The following ARHGAP42 variants were observed in gnomAD, a reference collection of about 807,000 sequenced individuals.
The protein encoded by ARHGAP42 is rho GTPase-activating protein 42.
A neutral mutation model predicts 125.0 loss-of-function variants in ARHGAP42; 63 were observed. The observed-to-expected ratio is 0.50, with a 90% CI of 0.41 to 0.62. The LOEUF (loss-of-function observed/expected upper bound fraction) is 0.62. Among genes scored for constraint, ARHGAP42 ranks in the 20% least tolerant of loss-of-function variants. The probability of loss-of-function intolerance (pLI) is 0.00; values close to 1 mark genes in which losing one functional copy is unlikely to be tolerated. For synonymous variants in ARHGAP42, 339 were observed against 351.0 expected, an observed-to-expected ratio of 0.97 and a Z score of 0.38; for missense variants, 766 against 1,024.2, an observed-to-expected ratio of 0.75 and a Z score of 3.44.
chr11:100,688,968 C>T (rs1177234707), intron 1 of ARHGAP42, among the ~76,000 whole-genome samples: 1 of 152,106 alleles, frequency 6.6e-6, no homozygotes, highest in East Asian at 1.9e-4. Context: ...GGGATGTGTG[C>T]GCCTAAAACT....
intron 10 of ARHGAP42, among the ~76,000 whole-genome samples, chr11:100,945,967 A>G (rs552326680): frequency 3.7e-4 from 56 of 152,210 alleles, no homozygotes; most frequent in Middle Eastern, 6.8e-3. Context: ...GCATCTTCCA[A>G]CAGAAGGCTA....
chr11:100,827,223 A>C (rs1292753400), intron 3 of ARHGAP42, among the ~76,000 whole-genome samples: 1 of 151,900 alleles, frequency 6.6e-6, no homozygotes, highest in East Asian at 1.9e-4. Context: ...GGCTGGTCTC[A>C]AACTCCTGAC....
intron 4 of ARHGAP42, among the ~76,000 whole-genome samples, chr11:100,902,964 G>C (rs907340212): frequency 1.3e-5 from 2 of 152,102 alleles, no homozygotes; most frequent in Admixed American, 6.5e-5. Context: ...GAGGTGTGTT[G>C]GTTTTGGACA....
At chr11:100,972,651 C>T (rs1414897668) in intron 17 of ARHGAP42, among the ~76,000 whole-genome samples, 1 of 152,176 alleles carries the variant, frequency 6.6e-6, no homozygotes, top group Non-Finnish European at 1.5e-5. Context: ...GAAACAGCCA[C>T]CTCTGTCCTG....
At chr11:100,877,620 G>A (rs1025828946) in intron 4 of ARHGAP42, among the ~76,000 whole-genome samples, 1 of 152,176 alleles carries the variant, frequency 6.6e-6, no homozygotes, top group Non-Finnish European at 1.5e-5. Context: ...AAAACACAGG[G>A]TTTAAGTCAA....
intron 2 of ARHGAP42, among the ~76,000 whole-genome samples, chr11:100,792,153 G>GT (rs1393372504): frequency 6.6e-6 from 1 of 152,158 alleles, no homozygotes; most frequent in African/African-American, 2.4e-5. Context: ...GGAAGTTCTA[G>GT]TGTGCTCCTG....
chr11:100,715,968 G>C (rs1265451935), intron 1 of ARHGAP42, among the ~76,000 whole-genome samples: 1 of 152,212 alleles, frequency 6.6e-6, no homozygotes, highest in African/African-American at 2.4e-5. Flanking sequence ...CTACTGATGG[G>C]ATTGGTGTAG....
intron 3 of ARHGAP42, among the ~76,000 whole-genome samples, chr11:100,854,067 A>T (rs938739315): frequency 6.6e-6 from 1 of 152,132 alleles, no homozygotes; most frequent in African/African-American, 2.4e-5. Context: ...ACATATTATC[A>T]TCTTTATTAT....
At chr11:100,779,828 C>A (rs588615) in intron 2 of ARHGAP42, among the ~76,000 whole-genome samples, 75,468 of 150,970 alleles carry the variant, frequency 0.5, 19,687 homozygotes, top group South Asian at 0.63. Context: ...GAGTTCGAGA[C>A]CTGCCTGGCC....
At chr11:100,987,208 T>C (rs1354297686) in intron 22 of ARHGAP42, among the ~76,000 whole-genome samples, 2 of 152,128 alleles carry the variant, frequency 1.3e-5, no homozygotes, top group Non-Finnish European at 2.9e-5. Context: ...TAGCAACTTA[T>C]TAAACAGTTA....
intron 4 of ARHGAP42, among the ~76,000 whole-genome samples, chr11:100,907,737 C>A (rs529034409): frequency 3.6e-4 from 55 of 152,230 alleles, no homozygotes; most frequent in African/African-American, 1.3e-3. Context: ...TGTGGGCTGC[C>A]ACTCTAGGCA....
intron 1 of ARHGAP42, among the ~76,000 whole-genome samples, chr11:100,688,948 C>G (rs983014147): frequency 6.6e-6 from 1 of 152,076 alleles, no homozygotes; most frequent in African/African-American, 2.4e-5. Context: ...CTTTGTATAA[C>G]AACATGATAG....
At chr11:100,694,671 TCCAGTGGTTCAGGCCTC>T (rs1861244424) in intron 1 of ARHGAP42, among the ~76,000 whole-genome samples, 3 of 152,198 alleles carry the variant, frequency 2.0e-5, no homozygotes, top group African/African-American at 7.2e-5. Flanking sequence ...ATAGTATAGC[TCCAGTGGTTCAGGCCTC>T]ATCAACCACA....
chr11:100,832,192 G>A (rs1343652475), intron 3 of ARHGAP42, among the ~76,000 whole-genome samples: 1 of 152,232 alleles, frequency 6.6e-6, no homozygotes, highest in East Asian at 1.9e-4. Context: ...ATATTGGGCA[G>A]ATGACAAGGA....
intron 22 of ARHGAP42, among the ~76,000 whole-genome samples, chr11:100,981,318 G>A (rs909049223): frequency 6.6e-6 from 1 of 152,012 alleles, no homozygotes; most frequent in Non-Finnish European, 1.5e-5. Context: ...ATATATTAGT[G>A]GTATTTAAAC....
chr11:100,874,790 C>T (rs1865772663), intron 4 of ARHGAP42, among the ~76,000 whole-genome samples: 1 of 152,110 alleles, frequency 6.6e-6, no homozygotes, highest in Non-Finnish European at 1.5e-5. Flanking sequence ...GTAGGATAGG[C>T]TTATTGCCCC....
intron 2 of ARHGAP42, among the ~76,000 whole-genome samples, chr11:100,794,593 C>A (rs781366206): frequency 3.9e-5 from 6 of 152,074 alleles, no homozygotes; most frequent in African/African-American, 1.4e-4. Flanking sequence ...TAAAGTTGAT[C>A]CCTTCAGTAT....
intron 9 of ARHGAP42, among the ~76,000 whole-genome samples, 173 bp downstream of exon 9, chr11:100,942,057 C>T (rs1251663804): frequency 2.0e-5 from 3 of 152,130 alleles, no homozygotes; most frequent in African/African-American, 7.2e-5. Flanking sequence ...AAAAGAGTAG[C>T]CAGGGTCTTC....
At chr11:100,965,245 G>A (rs554644231) in intron 16 of ARHGAP42, among the ~76,000 whole-genome samples, 1 of 152,270 alleles carries the variant, frequency 6.6e-6, no homozygotes, top group South Asian at 2.1e-4. Context: ...GATGAGATTT[G>A]GGTGGGGACA....
Sources: allele counts gnomAD v4.1 joint callset (sites outside exome capture counted in the v4.1 genomes callset), GRCh38; gene constraint gnomAD v4.1.1; transcripts MANE v1.5; gene names NCBI Gene and HGNC (gene_info 2026-07-23, HGNC 2026-07-21).